PRRG1: variants seen among roughly 807,000 people sequenced by gnomAD.
PRRG1 encodes the protein transmembrane gamma-carboxyglutamic acid protein 1.
Under a neutral mutation model 11.8 loss-of-function variants are expected in PRRG1, and 5 were observed. That is an observed-to-expected ratio of 0.42 (90% confidence interval 0.22 to 0.89). PRRG1 has a LOEUF of 0.89. Ranked by LOEUF, PRRG1 falls within the 40% of genes least tolerant of loss-of-function variation. The pLI is 0.28. For missense variants in PRRG1, 155 were observed against 166.1 expected, an observed-to-expected ratio of 0.93 and a Z score of 0.37; for synonymous variants, 66 against 60.4, an observed-to-expected ratio of 1.09 and a Z score of -0.43.
intron 1 of PRRG1, among the ~76,000 whole-genome samples, chrX:37,381,075 G>C (rs1931136940): frequency 9.0e-6 from 1 of 111,462 alleles, no homozygotes; most frequent in Admixed American, 9.5e-5. Flanking sequence ...AGTTCTCTCA[G>C]GACTGCTGTT....
chrX:37,381,560 C>T lies in PRRG1; in HGVS notation c.-41-24649C>T, dbSNP rs949976158. On this transcript the variant is annotated intron_variant, in intron 1 of 3. Coordinates refer to ENST00000378628, the MANE Select transcript of PRRG1 (RefSeq NM_001142395.2). Reference sequence around the variant, plus strand: ...TTGGCATTGGCTACTAGGAGGTTTACCCCTTACTTTGTCAAAATTACAGAA... The same window carrying T: ...TTGGCATTGGCTACTAGGAGGTTTATCCCTTACTTTGTCAAAATTACAGAA... Among the ~76,000 whole-genome samples the T allele has an allele frequency of 3.8e-4, 42 of 111,111 alleles. 1 individual carries two copies. The highest frequency in any genetic ancestry group is 5.7e-5 in the Non-Finnish European group (3 of 52,740).
At chrX:37,436,474 A>G (rs6610168) in intron 3 of PRRG1, among the ~76,000 whole-genome samples, 22,877 of 111,428 alleles carry the variant, frequency 0.21, 3,436 homozygotes, top group African/African-American at 0.53. Flanking sequence ...TGTGGAATTC[A>G]GAGCCCATGG....
At chrX:37,375,520 A>C (rs73466233) in intron 1 of PRRG1, among the ~76,000 whole-genome samples, 1,501 of 111,934 alleles carry the variant, frequency 0.013, 32 homozygotes, top group African/African-American at 0.045. Context: ...TATAGCAACT[A>C]TTTACCTAGC....
At chrX:37,372,423 C>A (rs919748256) in intron 1 of PRRG1, among the ~76,000 whole-genome samples, 2 of 112,200 alleles carry the variant, frequency 1.8e-5, no homozygotes, top group Non-Finnish European at 3.8e-5. Context: ...CCTACTTCAG[C>A]CTCCCAAGTA....
chrX:37,432,960 TG>T (rs1932847564), intron 3 of PRRG1, among the ~76,000 whole-genome samples: 1 of 111,686 alleles, frequency 9.0e-6, no homozygotes, highest in African/African-American at 3.3e-5. Flanking sequence ...CCAGGCTTTT[TG>T]CCATCTCTGA....
intron 2 of PRRG1, 49 bp downstream of exon 2, chrX:37,406,308 TATAGTC>T: frequency 9.2e-7 from 1 of 1,090,693 alleles, no homozygotes; most frequent in Middle Eastern, 2.5e-4. Flanking sequence ...CCATAGCTAT[TATAGTC>T]AGGAAATTAA....
At chrX:37,432,316 G>C (rs1932839476) in intron 3 of PRRG1, among the ~76,000 whole-genome samples, 1 of 98,799 alleles carries the variant, frequency 1.0e-5, no homozygotes, top group East Asian at 2.9e-4. Context: ...TCGATCTCCT[G>C]ACCTCATGAT....
At chrX:37,414,838 G>T (rs1932444516) in intron 2 of PRRG1, among the ~76,000 whole-genome samples, 1 of 112,115 alleles carries the variant, frequency 8.9e-6, no homozygotes, top group African/African-American at 3.2e-5. Flanking sequence ...AGGAACTAGT[G>T]GAATAGCTAA....
Position 37,453,593 on chromosome X carries a change from T to C in PRRG1, c.629T>C (p.Met210Thr). ...TCCAACTCAGCCAGTGCCATTCCTA[T>C]GGTGCCTGTGGTCACCACCATCAAA... is the stretch of plus-strand genomic sequence containing the variant. ...VNSNSASAIP[M>T]VPVVTTIK Residue 210 changes from methionine (M) to threonine (T), a missense_variant, in exon 4 of 4, where the codon ATG (methionine) becomes ACG (threonine). Met to Thr is a moderately conservative substitution (Grantham distance 81). Transcript: ENST00000378628. 8.5e-7 allele frequency: 1 copy of C among 1,181,955 alleles called. No individual in the cohort carries two copies. The highest frequency in any genetic ancestry group is 1.1e-6 in the Non-Finnish European group (1 of 879,835).
intron 3 of PRRG1, among the ~76,000 whole-genome samples, chrX:37,427,588 AG>A (rs1932788070): frequency 8.9e-6 from 1 of 112,356 alleles, no homozygotes; most frequent in East Asian, 2.8e-4. Flanking sequence ...CATAACTGAA[AG>A]TTTATACTGT....
At chrX:37,444,311 A>G (rs1448387365) in intron 3 of PRRG1, among the ~76,000 whole-genome samples, 2 of 111,876 alleles carry the variant, frequency 1.8e-5, no homozygotes, top group African/African-American at 6.5e-5. Context: ...TTACATTTTT[A>G]AAACCATCAG....
chrX:37,406,569 C>T (rs1556382080), intron 2 of PRRG1, among the ~76,000 whole-genome samples: 1 of 109,254 alleles, frequency 9.2e-6, no homozygotes, highest in African/African-American at 3.3e-5. Flanking sequence ...ATACACCTTC[C>T]CCAAACCCAG....
At chrX:37,376,219 A>G (rs181877766) in intron 1 of PRRG1, among the ~76,000 whole-genome samples, 2 of 109,536 alleles carry the variant, frequency 1.8e-5, no homozygotes, top group African/African-American at 6.6e-5. Flanking sequence ...GTTACTTCCA[A>G]CATCTGGTTC....
intron 2 of PRRG1, among the ~76,000 whole-genome samples, chrX:37,420,347 G>A (rs1932619246): frequency 9.0e-6 from 1 of 111,158 alleles, no homozygotes; most frequent in Admixed American, 9.6e-5. Context: ...TTCCTTTTCT[G>A]ACTAACCTTG....
chrX:37,411,888 G>A (rs1490540209), intron 2 of PRRG1, among the ~76,000 whole-genome samples: 4 of 111,817 alleles, frequency 3.6e-5, no homozygotes, highest in Non-Finnish European at 5.7e-5. Context: ...ATTGCAATCA[G>A]GCAGGTCTAC....
At position 37,406,144 on chromosome X, in the gene PRRG1, C is replaced by T. The variant is rs918548846; in HGVS notation, c.-41-65C>T. The T allele has an allele frequency of 9.0e-6, 9 of 1,000,313 alleles. No individual in the cohort carries two copies. The South Asian group carries it at 1.6e-4, about 17-fold the overall frequency. The allele number at this position is 1,000,313 out of a possible 1,213,427, so 82.4% of individuals were successfully genotyped here. A position where few individuals can be genotyped will look rare whatever the true frequency, so the allele number is the denominator to read the frequency against. On this transcript the variant is annotated intron_variant, in intron 1 of 3. Coordinates refer to ENST00000378628, the MANE Select transcript of PRRG1 (RefSeq NM_001142395.2). The stretch of plus-strand genomic sequence containing the variant: ...ATTGACCACATCAGCTGTACTGGAG[C>T]TTATCTGATGTAGCCACTCAGCCTC...
In PRRG1 at chrX:37,425,838, A is replaced by G. The variant is rs1324991933; in HGVS notation, c.11-2A>G. 8.6e-7 allele frequency: 1 copy of G among 1,167,912 alleles called. No homozygotes were observed. Among genetic ancestry groups the G allele is most frequent in the Non-Finnish European group, 1.1e-6 (1 of 874,023 alleles). ...GTTTTTTATACTTATATTTCTTTTT[A>G]GTTTTCCTCACGGGAGAAAAAGCCA... On this transcript the variant is annotated splice_acceptor_variant, in intron 2 of 3. Coordinates refer to ENST00000378628, the MANE Select transcript of PRRG1 (RefSeq NM_001142395.2). LOFTEE classifies it high-confidence loss of function.
At chrX:37,411,999 T>C (rs1932364205) in intron 2 of PRRG1, among the ~76,000 whole-genome samples, 1 of 111,812 alleles carries the variant, frequency 8.9e-6, no homozygotes, top group Non-Finnish European at 1.9e-5. Flanking sequence ...AGGTCTTACC[T>C]ACCTAGCTTA....
At chrX:37,440,582 T>C (rs1932957022) in intron 3 of PRRG1, among the ~76,000 whole-genome samples, 1 of 112,118 alleles carries the variant, frequency 8.9e-6, no homozygotes, top group Admixed American at 9.4e-5. Flanking sequence ...CTAAAGTTAT[T>C]GAAAATTTTC....
Sources: allele counts gnomAD v4.1 joint callset (sites outside exome capture counted in the v4.1 genomes callset), GRCh38; gene constraint gnomAD v4.1.1; transcripts MANE v1.5; gene names NCBI Gene and HGNC (gene_info 2026-07-23, HGNC 2026-07-21).